Variants in ZC3H13 observed in about 807,000 individuals in gnomAD.
ZC3H13 encodes the protein zinc finger CCCH-type containing 13.
A neutral mutation model predicts 204.1 loss-of-function variants in ZC3H13; 64 were observed. The observed-to-expected ratio is 0.31, with a 90% CI of 0.26 to 0.39. The LOEUF (loss-of-function observed/expected upper bound fraction) is 0.39, where lower values mean the gene tolerates loss of function less well. ZC3H13 is among the 10% of genes least tolerant of loss of function. The probability of loss-of-function intolerance (pLI) is 1.00; values close to 1 mark genes in which losing one functional copy is unlikely to be tolerated. For missense variants in ZC3H13, 1,833 were observed against 2,082.7 expected, an observed-to-expected ratio of 0.88 and a Z score of 2.33; for synonymous variants, 667 against 693.7, an observed-to-expected ratio of 0.96 and a Z score of 0.60.
chr13:46,010,544 C>T, intron 6 of ZC3H13, 39 bp from the exon 7 acceptor site: 1 of 1,582,852 alleles, frequency 6.3e-7, no homozygotes, highest in Non-Finnish European at 8.6e-7. Context: ...GAAATTCCTC[C>T]ACTTATGGTA....
chr13:46,018,988 G>C (rs1032852081), intron 5 of ZC3H13, among the ~76,000 whole-genome samples: 1 of 152,056 alleles, frequency 6.6e-6, no homozygotes, highest in Non-Finnish European at 1.5e-5. Flanking sequence ...AACTAAAATG[G>C]GAGAGTATAG....
chr13:45,984,149 TA>T (rs2138175129), intron 10 of ZC3H13, among the ~76,000 whole-genome samples: 1 of 152,378 alleles, frequency 6.6e-6, no homozygotes, highest in Admixed American at 6.5e-5. Flanking sequence ...ATATTTTTAC[TA>T]GTTGAAAATA....
chr13:46,028,234 G>A (rs2042662312), intron 4 of ZC3H13, among the ~76,000 whole-genome samples: 1 of 152,114 alleles, frequency 6.6e-6, no homozygotes, highest in South Asian at 2.1e-4. Context: ...GAGACAAAGA[G>A]GAGCACTGCA....
At chr13:45,984,910 C>A (rs942571788) in intron 10 of ZC3H13, among the ~76,000 whole-genome samples, 5 of 152,148 alleles carry the variant, frequency 3.3e-5, no homozygotes, top group Non-Finnish European at 7.4e-5. Context: ...TCAGTCATTT[C>A]TGATGCCAAC....
chr13:45,967,048 T>C (rs1213863839), intron 15 of ZC3H13, among the ~76,000 whole-genome samples: 1 of 152,198 alleles, frequency 6.6e-6, no homozygotes, highest in Non-Finnish European at 1.5e-5. Flanking sequence ...TTCTAGTCAA[T>C]CCTACATTAA....
Position 46,052,637 on chromosome 13 carries a change from G to A in ZC3H13, c.-243C>T. 2.5e-6 allele frequency: 1 copy of A among 398,708 alleles called. No individual in the cohort carries two copies. Among genetic ancestry groups the A allele is most frequent in the East Asian group, 3.6e-5 (1 of 28,074 alleles). The allele number at this position is 398,708 out of a possible 1,614,324, so 24.7% of individuals were successfully genotyped here. A position where few individuals can be genotyped will look rare whatever the true frequency, so the allele number is the denominator to read the frequency against. On this transcript the variant is annotated 5_prime_UTR_variant, in exon 1 of 19. Coordinates refer to ENST00000679008, the MANE Select transcript of ZC3H13 (RefSeq NM_001330564.2). ...GCCTCTCCAGGGTCAAGCGAAACTG[G>A]GTCGCAGGAAGAAAAATAACGAAGA...
chr13:45,989,094 A>C lies in ZC3H13; in HGVS notation c.948T>G (p.Ser316=). Residue 316 remains serine (S), a synonymous_variant, in exon 9 of 19, where the codon TCT becomes TCG. Transcript: ENST00000679008. ...RQREKRDKPR[S]TSPAGQHHSP... ...AATGATGCTGTCCTGCTGGGGAAGTAGACCTACAAGGGAAAACAATAACAA... is the reference window on the plus strand; with the variant it reads ...AATGATGCTGTCCTGCTGGGGAAGTCGACCTACAAGGGAAAACAATAACAA... The C allele has an allele frequency of 6.2e-7, 1 of 1,612,326 alleles. No homozygotes were observed. The highest frequency in any genetic ancestry group is 1.7e-5 in the Admixed American group (1 of 59,990).
At chr13:46,017,655 T>C (rs2138765937) in intron 5 of ZC3H13, among the ~76,000 whole-genome samples, 1 of 152,224 alleles carries the variant, frequency 6.6e-6, no homozygotes, top group African/African-American at 2.4e-5. Context: ...TAAAAGTTAT[T>C]TGGGGGTTCT....
chr13:46,047,755 CA>C (rs2044076890), intron 1 of ZC3H13, among the ~76,000 whole-genome samples: 1 of 152,186 alleles, frequency 6.6e-6, no homozygotes. Context: ...CATAAAGTTT[CA>C]TTATATATTG....
intron 1 of ZC3H13, among the ~76,000 whole-genome samples, chr13:46,047,620 AGAAG>A (rs1454759931): frequency 2.3e-4 from 2 of 8,660 alleles, no homozygotes; most frequent in African/African-American, 2.2e-3. Flanking sequence ...GAAAGCTAAG[AGAAG>A]TGGAGCTGAG....
intron 4 of ZC3H13, among the ~76,000 whole-genome samples, chr13:46,038,851 T>C (rs1482293133): frequency 6.6e-6 from 1 of 152,076 alleles, no homozygotes; most frequent in East Asian, 1.9e-4. Flanking sequence ...TGAAACCCCA[T>C]TTCTACTGAA....
At chr13:46,009,197 T>C (rs979967638) in intron 7 of ZC3H13, among the ~76,000 whole-genome samples, 3 of 151,518 alleles carry the variant, frequency 2.0e-5, no homozygotes, top group Non-Finnish European at 4.4e-5. Context: ...TAGAAGGGGG[T>C]AGATAGGAGG....
chr13:46,018,251 G>C lies in ZC3H13; in HGVS notation c.448+2198C>G, dbSNP rs931934281. Among the ~76,000 whole-genome samples the C allele has an allele frequency of 2.0e-5, 3 of 152,276 alleles. No homozygotes were observed. In the East Asian group the frequency reaches 5.8e-4, roughly 29 times the overall value. On this transcript the variant is annotated intron_variant, in intron 5 of 18. Coordinates refer to ENST00000679008, the MANE Select transcript of ZC3H13 (RefSeq NM_001330564.2). ...TTATTCTGCAATGAGGAGGTCATTA[G>C]TGACTTTGAAAAGCAGTTTTAGTGG...
At chr13:46,040,081 T>A (rs1006516019) in intron 4 of ZC3H13, among the ~76,000 whole-genome samples, 29 of 152,316 alleles carry the variant, frequency 1.9e-4, no homozygotes, top group African/African-American at 7.0e-4. Flanking sequence ...TATTGGCATG[T>A]GTATTTTGAA....
chr13:46,003,901 T>C (rs1284980760), intron 7 of ZC3H13, among the ~76,000 whole-genome samples: 5 of 152,200 alleles, frequency 3.3e-5, no homozygotes, highest in South Asian at 2.1e-4. Flanking sequence ...AAAGAAAATA[T>C]AGAAGAAAAG....
intron 3 of ZC3H13, among the ~76,000 whole-genome samples, chr13:46,044,632 G>T (rs1427320271): frequency 6.6e-6 from 1 of 151,912 alleles, no homozygotes; most frequent in African/African-American, 2.4e-5. Flanking sequence ...TCACTAAAAA[G>T]AAATTCAGAC....
rs2044569674 is a variant in ZC3H13, at chr13:46,052,658, G to T, written c.-264C>A. The T allele has an allele frequency of 2.5e-6, 1 of 398,714 alleles. No homozygotes were observed. The highest frequency in any genetic ancestry group is 4.4e-6 in the Non-Finnish European group (1 of 226,242). The allele number at this position is 398,714 out of a possible 1,614,324, so 24.7% of individuals were successfully genotyped here. On this transcript the variant is annotated 5_prime_UTR_variant, in exon 1 of 19. Transcript: ENST00000679008. ...ACTGGGTCGCAGGAAGAAAAATAACGAAGAGATTGTAGATTAAGAAAAGGC... is the reference window on the plus strand; with the variant it reads ...ACTGGGTCGCAGGAAGAAAAATAACTAAGAGATTGTAGATTAAGAAAAGGC...
intron 14 of ZC3H13, 104 bp downstream of exon 14, chr13:45,968,643 AG>A (rs1952296417): frequency 7.0e-7 from 1 of 1,420,554 alleles, no homozygotes; most frequent in African/African-American, 1.4e-5. Flanking sequence ...ATAAAATTTA[AG>A]GCAGCATGTA....
intron 8 of ZC3H13, 129 bp downstream of exon 8, chr13:46,003,010 A>T: frequency 1.4e-6 from 1 of 718,654 alleles, no homozygotes; most frequent in East Asian, 3.0e-5. Flanking sequence ...GGAATTATTA[A>T]AATAAATATA....
Sources: gnomAD v4.1 joint callset for allele counts (sites outside exome capture counted in the v4.1 genomes callset) on GRCh38, gnomAD v4.1.1 for gene constraint, MANE v1.5 for transcripts, NCBI Gene and HGNC (gene_info 2026-07-23, HGNC 2026-07-21) for gene names.